Variants in MYEF2 observed in about 807,000 individuals in gnomAD.
The protein encoded by MYEF2 is myelin expression factor 2, also known as myelin gene expression factor 2.
In MYEF2, 37 loss-of-function variants were observed where a neutral mutation model predicts 75.2. That is an observed-to-expected ratio of 0.49 (90% CI 0.38 to 0.65). MYEF2 has a LOEUF of 0.65. Ranked by LOEUF, MYEF2 falls within the 30% of genes least tolerant of loss-of-function variation. MYEF2 has a pLI of 0.00. For missense variants in MYEF2, 634 were observed against 771.4 expected (o/e 0.82, Z 2.11); for synonymous variants, 195 against 241.6 (o/e 0.81, Z 1.79).
rs780537199 is a variant in MYEF2 at position 48,152,217 on chromosome 15, C to T, written c.1138+17G>A. 1.2e-6 allele frequency: 2 copies of T among 1,603,226 alleles called. No individual in the cohort carries two copies. Among genetic ancestry groups the T allele is most frequent in the East Asian group, 4.5e-5 (2 of 44,808 alleles). The stretch of plus-strand genomic sequence containing the variant: ...ATGGTGATGGGTACATACAAAAAAA[C>T]AAATCTTTATACATACCTCCTCCAA... On this transcript the variant is annotated intron_variant, in intron 11 of 16. Transcript: ENST00000324324.
At chr15:48,165,831 A>T (rs946341527) in intron 5 of MYEF2, 102 bp downstream of exon 5, 7 of 780,038 alleles carry the variant, frequency 9.0e-6, no homozygotes, top group African/African-American at 5.3e-5. Context: ...CCTATGTTTT[A>T]AAAAAAAGTT....
Position 48,136,306 on chromosome 15 carries a change from T to G in MYEF2, c.*6602A>C, listed in dbSNP as rs1385197735. The G allele has an allele frequency of 6.3e-6, 1 of 159,066 alleles. No homozygotes were observed. Among genetic ancestry groups the G allele is most frequent in the Non-Finnish European group, 1.4e-5 (1 of 73,076 alleles). The allele number at this position is 159,066 out of a possible 1,614,324, so 9.9% of individuals were successfully genotyped here. ...TATAATTATTATGTATGTTGGGGAA[T>G]GTATTATGCCAATGAGCTGAGGCAG... On this transcript the variant is annotated 3_prime_UTR_variant, in exon 17 of 17. Transcript: ENST00000324324.
At chr15:48,161,951 A>T (rs558667698) in intron 5 of MYEF2, among the ~76,000 whole-genome samples, 1 of 151,466 alleles carries the variant, frequency 6.6e-6, no homozygotes, top group Admixed American at 6.6e-5. Context: ...AAAGAAAATT[A>T]AGATACCAAT....
chr15:48,178,114 G>GCTGCTTCTCCGCCTC lies in MYEF2; in HGVS notation c.109_123dup (p.Glu37_Gln41dup). 1 of 1,596,128 alleles carries GCTGCTTCTCCGCCTC rather than the reference G, an allele frequency of 6.3e-7. No homozygotes were observed. Among genetic ancestry groups the GCTGCTTCTCCGCCTC allele is most frequent in the Non-Finnish European group, 8.5e-7 (1 of 1,172,258 alleles). ...TTGGAGCTGCTGCTGTGCTGCGGCT[G>GCTGCTTCTCCGCCTC]CTGCTTCTCCGCCTCCGCGGGGTGC... On this transcript the variant is annotated inframe_insertion, in exon 1 of 17. Coordinates refer to ENST00000324324, the MANE Select transcript of MYEF2 (RefSeq NM_016132.5).
intron 1 of MYEF2, among the ~76,000 whole-genome samples, chr15:48,177,376 G>C (rs2040571221): frequency 1.3e-5 from 2 of 151,314 alleles, no homozygotes; most frequent in Admixed American, 1.3e-4. Flanking sequence ...CCAAACTTAA[G>C]ATAATCATAC....
At chr15:48,169,899 C>T (rs2040264342) in intron 1 of MYEF2, 1 of 151,708 alleles carries the variant, frequency 6.6e-6, no homozygotes, top group Non-Finnish European at 1.5e-5. Context: ...CTGGCCAAAC[C>T]TGATTTTTAA....
chr15:48,140,859 T>C lies in MYEF2; in HGVS notation c.*2049A>G, dbSNP rs1414366406. ...TTGTAAGAATATCAAACAGGAAAAT[T>C]TCTCACTGGCAGAATTTTAGCTGTT... On this transcript the variant is annotated 3_prime_UTR_variant, in exon 17 of 17. Coordinates refer to ENST00000324324, the MANE Select transcript of MYEF2 (RefSeq NM_016132.5). The C allele has an allele frequency of 1.2e-5, 4 of 346,088 alleles. No homozygotes were observed. Among genetic ancestry groups the C allele is most frequent in the Non-Finnish European group, 2.2e-5 (4 of 184,958 alleles). 21.4% of individuals were successfully genotyped at this position (346,088 alleles called of 1,614,324 possible).
rs773132415 is a variant in MYEF2 at position 48,142,361 on chromosome 15, T to C, written c.*547A>G. On this transcript the variant is annotated 3_prime_UTR_variant, in exon 17 of 17. Coordinates refer to ENST00000324324, the MANE Select transcript of MYEF2 (RefSeq NM_016132.5). ...GGGCTGTGGAGGTTGATATTATTAA[T>C]AGTGTTATGCAGAAAATATGAATGG... 10 of 1,544,206 alleles carry C rather than the reference T, an allele frequency of 6.5e-6. No individual in the cohort carries two copies. The South Asian group carries it at 8.4e-5, about 13-fold the overall frequency.
At chr15:48,145,317 T>C (rs2039240915) in intron 16 of MYEF2, among the ~76,000 whole-genome samples, 1 of 151,906 alleles carries the variant, frequency 6.6e-6, no homozygotes, top group Non-Finnish European at 1.5e-5. Flanking sequence ...TATTTTCTTT[T>C]CTAAAGATAA....
Position 48,158,833 on chromosome 15 carries a change from A to G in MYEF2, c.807T>C (p.Asp269=). ...VKRADIKEDK[D]GKSRGMGTVT... ...CAGTGCCCATTCCTCTGCTCTTGCCATCTTTGTCTTCTTTAATATCTGCCC... is the reference window on the plus strand; with the variant it reads ...CAGTGCCCATTCCTCTGCTCTTGCCGTCTTTGTCTTCTTTAATATCTGCCC... Residue 269 remains aspartate, a synonymous_variant, in exon 7 of 17, where the codon GAT becomes GAC. Coordinates refer to ENST00000324324, the MANE Select transcript of MYEF2 (RefSeq NM_016132.5). The G allele has an allele frequency of 6.2e-7, 1 of 1,613,760 alleles. No homozygotes were observed. Among genetic ancestry groups the G allele is most frequent in the Non-Finnish European group, 8.5e-7 (1 of 1,179,768 alleles).
rs1032247476 is a variant in MYEF2, at chr15:48,141,542, A to G, written c.*1366T>C. The G allele has an allele frequency of 1.7e-4, 31 of 179,360 alleles. No homozygotes were observed. The highest frequency in any genetic ancestry group is 6.9e-4 in the African/African-American group (29 of 41,936). 11.1% of individuals were successfully genotyped at this position (179,360 alleles called of 1,614,324 possible). On this transcript the variant is annotated 3_prime_UTR_variant, in exon 17 of 17. Coordinates refer to ENST00000324324, the MANE Select transcript of MYEF2 (RefSeq NM_016132.5). ...CAGTGAGCCGAGATTGCGCCACGGC[A>G]CTCCAGCAGCCTGGGCAACAGAGCG...
intron 16 of MYEF2, among the ~76,000 whole-genome samples, chr15:48,144,212 G>A (rs571215803): frequency 2.6e-5 from 4 of 152,074 alleles, no homozygotes; most frequent in South Asian, 2.1e-4. Flanking sequence ...AGGACCTGTC[G>A]AAAAACTGCA....
chr15:48,160,688 T>TAA, intron 5 of MYEF2, among the ~76,000 whole-genome samples: 1 of 151,426 alleles, frequency 6.6e-6, no homozygotes, highest in Admixed American at 6.6e-5. Context: ...TAAGATGAAG[T>TAA]GTAAAGGTAA....
At chr15:48,169,296 T>C (rs935379277) in intron 1 of MYEF2, among the ~76,000 whole-genome samples, 6 of 152,202 alleles carry the variant, frequency 3.9e-5, no homozygotes, top group Admixed American at 1.3e-4. Context: ...AGGTTAATAG[T>C]TTCTTCTCAG....
chr15:48,151,910 T>C lies in MYEF2; in HGVS notation c.1171A>G (p.Ser391Gly), dbSNP rs781348112. Residue 391 changes from serine (S) to glycine (G), a missense_variant, in exon 12 of 17, where the codon AGC (serine) becomes GGC (glycine). Coordinates refer to ENST00000324324, the MANE Select transcript of MYEF2 (RefSeq NM_016132.5). ...IGFGGLEAMN[S>G]MGGFGGVGRM... ...CCAACTCCTCCAAATCCTCCCATGC[T>C]ATTCATTGCTTCCAGACCACCAAAC... The C allele has an allele frequency of 6.2e-7, 1 of 1,613,594 alleles. No individual in the cohort carries two copies. Among genetic ancestry groups the C allele is most frequent in the South Asian group, 1.1e-5 (1 of 91,072 alleles).
rs1347204237 is a variant in MYEF2, at chr15:48,134,760, T to G, written c.*8148A>C. 3 of 840,112 alleles carry G rather than the reference T, an allele frequency of 3.6e-6. No homozygotes were observed. In the African/African-American group the frequency reaches 5.2e-5, roughly 15 times the overall value. The allele number at this position is 840,112 out of a possible 1,614,324, so 52.0% of individuals were successfully genotyped here. A position where few individuals can be genotyped will look rare whatever the true frequency, so the allele number is the denominator to read the frequency against. ...TAGAACACAATTTTACATTTTTTTC[T>G]CTAAGCAATATGCAAAAGATAACAA... On this transcript the variant is annotated 3_prime_UTR_variant, in exon 17 of 17. Coordinates refer to ENST00000324324, the MANE Select transcript of MYEF2 (RefSeq NM_016132.5).
intron 16 of MYEF2, among the ~76,000 whole-genome samples, chr15:48,144,484 C>A (rs2039206540): frequency 6.6e-6 from 1 of 151,780 alleles, no homozygotes. Context: ...GTTACACAGG[C>A]CAGATAGTCT....
chr15:48,168,812 C>A lies in MYEF2; in HGVS notation c.189G>T (p.Glu63Asp), dbSNP rs1273078592. 6.2e-7 allele frequency: 1 copy of A among 1,613,020 alleles called. No homozygotes were observed. The highest frequency in any genetic ancestry group is 1.1e-5 in the South Asian group (1 of 90,976). The change falls in exon 2 of 17, where the codon GAG (glutamate) becomes GAT (aspartate). Residue 63 changes from glutamate (E) to aspartate (D), a missense_variant. By Grantham distance (45) the Glu-to-Asp change is conservative. Transcript: ENST00000324324. ...TAGATTTTTCCTTTAAGTCAGATTTCTCTTCTTTTGCTGATTCATCATTCT... is the reference window on the plus strand; with the variant it reads ...TAGATTTTTCCTTTAAGTCAGATTTATCTTCTTTTGCTGATTCATCATTCT... ...KMENDESAKE[E>D]KSDLKEKSTG...
At chr15:48,154,525 C>G (rs1160716839) in intron 9 of MYEF2, among the ~76,000 whole-genome samples, 6 of 152,032 alleles carry the variant, frequency 3.9e-5, no homozygotes, top group Admixed American at 3.9e-4. Flanking sequence ...GCACAAACTG[C>G]ACAGGAAGGA....
Sources: gnomAD v4.1 joint callset for allele counts (sites outside exome capture counted in the v4.1 genomes callset) on GRCh38, gnomAD v4.1.1 for gene constraint, MANE v1.5 for transcripts, NCBI Gene and HGNC (gene_info 2026-07-23, HGNC 2026-07-21) for gene names.